The following SLC9D1 variants were observed in gnomAD, a reference collection of about 807,000 sequenced individuals.
SLC9D1 encodes the protein putative LAG1-interacting protein.
At chr13:113,547,022 G>C in the SLC9D1 span, 6 of 426,792 alleles carry the variant, frequency 1.4e-5, no homozygotes, top group Admixed American at 1.2e-4. Context: ...TGCCGCCTCT[G>C]TGTGTTTTGC....
chr13:113,515,891 A>C, the SLC9D1 span, among the ~76,000 whole-genome samples: 2 of 60,512 alleles, frequency 3.3e-5, no homozygotes, highest in Non-Finnish European at 5.7e-5. Context: ...ACTCCGTCCC[A>C]AAAAAAAAAA....
the SLC9D1 span, among the ~76,000 whole-genome samples, chr13:113,492,009 G>A: frequency 2.0e-5 from 3 of 152,144 alleles, no homozygotes; most frequent in East Asian, 1.9e-4. Flanking sequence ...ATATTCTAAA[G>A]CTTTTTTGTG....
At chr13:113,543,145 C>T in the SLC9D1 span, among the ~76,000 whole-genome samples, 2 of 86,244 alleles carry the variant, frequency 2.3e-5, no homozygotes, top group East Asian at 4.3e-4. Context: ...ACCTCCTCCC[C>T]GTGCCCCCCG....
At chr13:113,528,599 CT>C in the SLC9D1 span, 1 of 152,280 alleles carries the variant, frequency 6.6e-6, no homozygotes, top group Non-Finnish European at 1.5e-5. Flanking sequence ...GGAACAGTGC[CT>C]ACCTGGTGGA....
At chr13:113,504,878 A>G in the SLC9D1 span, 1 of 152,116 alleles carries the variant, frequency 6.6e-6, no homozygotes, top group African/African-American at 2.4e-5. Flanking sequence ...TCTCTGAGCA[A>G]CCTCCACACT....
chr13:113,528,983 A>AG, the SLC9D1 span: 1 of 152,046 alleles, frequency 6.6e-6, no homozygotes, highest in East Asian at 1.9e-4. Context: ...TTCTCAACGG[A>AG]GGGCGGACTC....
At chr13:113,503,634 C>G in the SLC9D1 span, 1 of 1,332,876 alleles carries the variant, frequency 7.5e-7, no homozygotes, top group Non-Finnish European at 1.1e-6. Context: ...AGCTTCACAT[C>G]ATGTGGTTTT....
At chr13:113,535,710 A>T in the SLC9D1 span, among the ~76,000 whole-genome samples, 1 of 151,978 alleles carries the variant, frequency 6.6e-6, no homozygotes, top group Non-Finnish European at 1.5e-5. The surrounding 1 kb of genome is among the most constrained non-coding windows in gnomAD (Gnocchi z 4.1). Flanking sequence ...TTTATGTCAC[A>T]TTTATGAGGC....
chr13:113,519,131 C>T, the SLC9D1 span, among the ~76,000 whole-genome samples: 902 of 151,990 alleles, frequency 5.9e-3, 8 homozygotes, highest in African/African-American at 0.02. Context: ...GTAACCTCCG[C>T]CTCCTGGGTT....
At chr13:113,534,324 C>A in the SLC9D1 span, 1 of 1,140,504 alleles carries the variant, frequency 8.8e-7, no homozygotes, top group Non-Finnish European at 1.3e-6. Flanking sequence ...TTTACCTTTC[C>A]ATTTTAATAA....
At chr13:113,544,970 C>T in the SLC9D1 span, among the ~76,000 whole-genome samples, 91 of 152,356 alleles carry the variant, frequency 6.0e-4, no homozygotes, top group African/African-American at 2.1e-3. Context: ...CCAGCTTTAT[C>T]GACAATGTCA....
At chr13:113,526,092 C>T in the SLC9D1 span, among the ~76,000 whole-genome samples, 21 of 152,272 alleles carry the variant, frequency 1.4e-4, no homozygotes, top group South Asian at 1.7e-3. Context: ...AGCTCTGTGC[C>T]GGTTATTCCA....
chr13:113,525,460 C>T, the SLC9D1 span, among the ~76,000 whole-genome samples: 368 of 152,350 alleles, frequency 2.4e-3, 2 homozygotes, highest in African/African-American at 7.5e-3. Context: ...TACTTTTTAT[C>T]GTTAGAGTGT....
At chr13:113,500,778 A>C in the SLC9D1 span, among the ~76,000 whole-genome samples, 1 of 152,182 alleles carries the variant, frequency 6.6e-6, no homozygotes. Context: ...ACAGGAGCAG[A>C]AACCAAGCCA....
At chr13:113,495,872 A>G in the SLC9D1 span, 1 of 1,614,144 alleles carries the variant, frequency 6.2e-7, no homozygotes, top group Non-Finnish European at 8.5e-7. Flanking sequence ...ACACGTTTGA[A>G]ATTTTCCAGA....
At chr13:113,539,728 C>A in the SLC9D1 span, among the ~76,000 whole-genome samples, 1 of 152,142 alleles carries the variant, frequency 6.6e-6, no homozygotes, top group Non-Finnish European at 1.5e-5. The surrounding 1 kb of genome is among the most constrained non-coding windows in gnomAD (Gnocchi z 4.8). Context: ...TTCTGTCCAG[C>A]TTTTCCTTTA....
chr13:113,504,061 C>CA, the SLC9D1 span: 3 of 154,084 alleles, frequency 1.9e-5, no homozygotes, highest in African/African-American at 7.2e-5. Context: ...CTGTTCATAA[C>CA]AAAAACACCC....
the SLC9D1 span, among the ~76,000 whole-genome samples, chr13:113,494,349 C>A: frequency 0.024 from 3,585 of 152,208 alleles, 91 homozygotes; most frequent in East Asian, 0.11. Flanking sequence ...TCTCGGTTTC[C>A]CACCTCTCAG....
chr13:113,525,246 A>G, the SLC9D1 span, among the ~76,000 whole-genome samples: 2 of 152,232 alleles, frequency 1.3e-5, no homozygotes, highest in African/African-American at 4.8e-5. Context: ...GATTCTCTGG[A>G]CCTGAACAAT....
Sources: allele counts gnomAD v4.1 joint callset (sites outside exome capture counted in the v4.1 genomes callset), GRCh38; gene constraint gnomAD v4.1.1; non-coding constraint Gnocchi (gnomAD v3.1); transcripts MANE v1.5; gene names NCBI Gene and HGNC (gene_info 2026-07-23, HGNC 2026-07-21).